Variants in IMPA2 observed in about 807,000 individuals in gnomAD.
IMPA2 encodes the protein IMP 2.
IMPA2 carries 32 observed loss-of-function variants against 35.1 expected under a neutral mutation model. That is an observed-to-expected ratio of 0.91 (90% confidence interval 0.69 to 1.23). IMPA2 has a LOEUF of 1.23. Ranked by LOEUF, IMPA2 falls within the 50% of genes most tolerant of loss-of-function variation. IMPA2 has a pLI of 0.00. For missense variants in IMPA2, 334 were observed against 387.6 expected, an observed-to-expected ratio of 0.86 and a Z score of 1.16; for synonymous variants, 135 against 160.6, an observed-to-expected ratio of 0.84 and a Z score of 1.20.
intron 2 of IMPA2, among the ~76,000 whole-genome samples, chr18:12,007,261 A>G (rs1041824810): frequency 6.6e-6 from 1 of 152,340 alleles, no homozygotes; most frequent in African/African-American, 2.4e-5. Context: ...CCACAGTGGT[A>G]GCCGCTCACC....
intron 5 of IMPA2, among the ~76,000 whole-genome samples, chr18:12,024,340 T>C (rs1307631104): frequency 6.6e-6 from 1 of 152,134 alleles, no homozygotes; most frequent in Non-Finnish European, 1.5e-5. Flanking sequence ...AAAAATTAGC[T>C]GGGCATGGTG....
At chr18:12,014,972 G>A (rs1189096954) in intron 5 of IMPA2, among the ~76,000 whole-genome samples, 3 of 152,184 alleles carry the variant, frequency 2.0e-5, no homozygotes, top group Admixed American at 6.5e-5. Context: ...TGTCCTGAAT[G>A]GGCCAGTTTA....
At position 12,008,005 on chromosome 18, in the gene IMPA2, A is replaced by G. The variant is rs551455334; in HGVS notation, c.231-1878A>G. Among the ~76,000 whole-genome samples the G allele has an allele frequency of 6.6e-5, 10 of 150,622 alleles. No homozygotes were observed. The South Asian group carries it at 2.1e-3, about 32-fold the overall frequency. ...TTTTGAGATGGAGTCTCACTCTCCC[A>G]GGCTGGAGTGCAGCGGTGTGATCTC... On this transcript the variant is annotated intron_variant, in intron 2 of 7. Coordinates refer to ENST00000269159, the MANE Select transcript of IMPA2 (RefSeq NM_014214.3).
At chr18:12,015,786 C>T (rs1907560816) in intron 5 of IMPA2, among the ~76,000 whole-genome samples, 1 of 152,244 alleles carries the variant, frequency 6.6e-6, no homozygotes, top group African/African-American at 2.4e-5. Flanking sequence ...GTGCCCACTC[C>T]AGCCTCATTG....
At chr18:12,013,959 T>C (rs1907504520) in intron 4 of IMPA2, among the ~76,000 whole-genome samples, 1 of 152,244 alleles carries the variant, frequency 6.6e-6, no homozygotes, top group South Asian at 2.1e-4. Context: ...TTCTAAAAAA[T>C]TAAGCTTTTT....
rs761966509 is a variant in IMPA2, at chr18:12,014,252, C to T, written c.382-13C>T. On this transcript the variant is annotated splice_polypyrimidine_tract_variant and intron_variant, in intron 4 of 7. Transcript: ENST00000269159. ...ACCATCTTTGTTTTCTGTCCTGCCT[C>T]TGCCGCCCACAGCTTGAATTCGGAG... 7 of 1,597,938 alleles carry T rather than the reference C, an allele frequency of 4.4e-6. No individual in the cohort carries two copies. Among genetic ancestry groups the T allele is most frequent in the Non-Finnish European group, 6.0e-6 (7 of 1,165,422 alleles).
chr18:11,982,506 G>C (rs542382482), intron 1 of IMPA2, among the ~76,000 whole-genome samples: 1 of 152,166 alleles, frequency 6.6e-6, no homozygotes, highest in Non-Finnish European at 1.5e-5. Context: ...CTTAGGATGT[G>C]ATTGTGGGCC....
intron 6 of IMPA2, chr18:12,028,617 A>G: frequency 1.8e-6 from 1 of 558,724 alleles, no homozygotes. Context: ...CTCAGTAGCT[A>G]GGTCAGCTGG....
At chr18:11,996,076 G>A (rs1906951162) in intron 1 of IMPA2, among the ~76,000 whole-genome samples, 1 of 152,204 alleles carries the variant, frequency 6.6e-6, no homozygotes, top group Non-Finnish European at 1.5e-5. Context: ...CTGCCTGGGA[G>A]AGACAGTCAA....
intron 1 of IMPA2, among the ~76,000 whole-genome samples, chr18:11,994,549 T>G (rs1356368294): frequency 6.6e-6 from 1 of 152,168 alleles, no homozygotes; most frequent in Non-Finnish European, 1.5e-5. Context: ...CACACACAGC[T>G]GTGTATGTTT....
intron 1 of IMPA2, 92 bp downstream of exon 1, chr18:11,981,857 C>T: frequency 1.1e-6 from 1 of 875,192 alleles, no homozygotes; most frequent in Non-Finnish European, 1.5e-6. Flanking sequence ...TGGCGCGCAG[C>T]CGGCGGGCGC....
intron 2 of IMPA2, among the ~76,000 whole-genome samples, chr18:12,000,653 G>T (rs1174889182): frequency 2.1e-5 from 3 of 140,218 alleles, no homozygotes; most frequent in Non-Finnish European, 3.1e-5. Flanking sequence ...TCTTGCTCTG[G>T]CGTCCAGGCT....
intron 2 of IMPA2, among the ~76,000 whole-genome samples, chr18:12,009,118 A>G (rs997085889): frequency 6.6e-6 from 1 of 152,160 alleles, no homozygotes; most frequent in Non-Finnish European, 1.5e-5. Context: ...CCTCTACAAA[A>G]ATAAAAATAC....
chr18:11,998,444 C>A (rs1490306729), intron 1 of IMPA2, among the ~76,000 whole-genome samples: 1 of 152,212 alleles, frequency 6.6e-6, no homozygotes, highest in African/African-American at 2.4e-5. Context: ...GCTGATGCTG[C>A]TCCAGCCCAG....
chr18:11,992,288 G>A (rs551459694), intron 1 of IMPA2, among the ~76,000 whole-genome samples: 1 of 152,378 alleles, frequency 6.6e-6, no homozygotes, highest in African/African-American at 2.4e-5. Context: ...ACCTCCAGTG[G>A]CCACATCTTC....
At chr18:11,987,925 T>A (rs1330013441) in intron 1 of IMPA2, among the ~76,000 whole-genome samples, 1 of 152,130 alleles carries the variant, frequency 6.6e-6, no homozygotes, top group African/African-American at 2.4e-5. Context: ...TCTGATGGGC[T>A]TGAGTTGGTA....
intron 5 of IMPA2, among the ~76,000 whole-genome samples, chr18:12,024,370 G>A (rs1029103978): frequency 7.9e-5 from 12 of 151,238 alleles, no homozygotes; most frequent in Middle Eastern, 3.2e-3. Context: ...TGTAATCCCC[G>A]CTACTTGGGA....
At chr18:11,999,332 G>T in intron 2 of IMPA2, 145 bp downstream of exon 2, 2 of 659,250 alleles carry the variant, frequency 3.0e-6, no homozygotes, top group South Asian at 4.5e-5. Flanking sequence ...CCTGCGATTT[G>T]TCAGTTACTT....
chr18:12,018,133 G>A (rs1907632826), intron 5 of IMPA2: 1 of 154,648 alleles, frequency 6.5e-6, no homozygotes, highest in African/African-American at 2.4e-5. Flanking sequence ...TGGAGACAGG[G>A]TTTTGTCATG....
Sources: gnomAD v4.1 joint callset for allele counts (sites outside exome capture counted in the v4.1 genomes callset) on GRCh38, gnomAD v4.1.1 for gene constraint, MANE v1.5 for transcripts, NCBI Gene and HGNC (gene_info 2026-07-23, HGNC 2026-07-21) for gene names.